The following DLG2 variants were observed in gnomAD, a reference collection of about 807,000 sequenced individuals.
DLG2 encodes disks large homolog 2.
A neutral mutation model predicts 132.5 loss-of-function variants in DLG2; 45 were observed. The observed-to-expected ratio is 0.34, with a 90% CI of 0.27 to 0.44. The LOEUF (loss-of-function observed/expected upper bound fraction) is 0.44, where lower values mean the gene tolerates loss of function less well. DLG2 is among the 20% of genes least tolerant of loss of function. DLG2 has a pLI of 1.00. For missense variants in DLG2, 1,045 were observed against 1,196.9 expected (o/e 0.87, Z 1.87); for synonymous variants, 424 against 419.6 (o/e 1.01, Z -0.13).
chr11:85,157,018 T>C (rs2077637175), intron 4 of DLG2, among the ~76,000 whole-genome samples: 1 of 152,160 alleles, frequency 6.6e-6, no homozygotes, highest in Admixed American at 6.5e-5. Flanking sequence ...GGCAGACTTA[T>C]CCTTAATCTG....
intron 8 of DLG2, among the ~76,000 whole-genome samples, chr11:84,235,451 GA>G (rs2097146254): frequency 6.6e-6 from 1 of 152,084 alleles, no homozygotes; most frequent in African/African-American, 2.4e-5. Flanking sequence ...GCCTAAGGCA[GA>G]AGGATCACTT....
rs575652431 is a variant in DLG2, at chr11:84,534,141, CA to C, written c.519+428del. ...GGATAAAATAGAGGAATTGATTAGA[CA>C]ATTCACACATTTTCCTTTATAGTTT... On this transcript the variant is annotated intron_variant, in intron 7 of 27. Transcript: ENST00000376104. Among the ~76,000 whole-genome samples the C allele has an allele frequency of 1.3e-4, 20 of 152,164 alleles. No homozygotes were observed. The South Asian group carries it at 4.1e-3, about 32-fold the overall frequency.
At chr11:83,923,008 A>G (rs790380) in intron 15 of DLG2, among the ~76,000 whole-genome samples, 76,708 of 151,828 alleles carry the variant, frequency 0.51, 19,917 homozygotes, top group Admixed American at 0.62. Flanking sequence ...ACATGCTGCC[A>G]TTTACAGGGA....
intron 6 of DLG2, among the ~76,000 whole-genome samples, chr11:85,082,142 G>T (rs2154172171): frequency 6.6e-6 from 1 of 152,038 alleles, no homozygotes; most frequent in African/African-American, 2.4e-5. Flanking sequence ...CCTTCTTTTT[G>T]ATCAATTTGT....
intron 4 of DLG2, among the ~76,000 whole-genome samples, chr11:85,210,369 G>A (rs1185393970): frequency 6.6e-6 from 1 of 151,972 alleles, no homozygotes; most frequent in Non-Finnish European, 1.5e-5. Context: ...CTCCCTCAGA[G>A]CCTTTGTATT....
chr11:84,373,545 G>A (rs529628081), intron 7 of DLG2, among the ~76,000 whole-genome samples: 1 of 151,978 alleles, frequency 6.6e-6, no homozygotes, highest in Non-Finnish European at 1.5e-5. Context: ...ACTCCAGCCT[G>A]GGTGACAGAG....
At chr11:84,825,176 T>A (rs550682452) in intron 6 of DLG2, among the ~76,000 whole-genome samples, 207 of 152,032 alleles carry the variant, frequency 1.4e-3, no homozygotes, top group Non-Finnish European at 2.5e-3. Flanking sequence ...CACCCTGGAC[T>A]GGACTTCAGG....
chr11:85,267,307 G>A (rs2077274102), intron 4 of DLG2, among the ~76,000 whole-genome samples: 1 of 152,192 alleles, frequency 6.6e-6, no homozygotes, highest in Non-Finnish European at 1.5e-5. Flanking sequence ...CCTGATCTCA[G>A]ACTTTCAGCC....
At chr11:83,462,745 A>G (rs1469587512) in intron 26 of DLG2, among the ~76,000 whole-genome samples, 2 of 152,222 alleles carry the variant, frequency 1.3e-5, no homozygotes, top group Non-Finnish European at 2.9e-5. Flanking sequence ...CCCTGATTTG[A>G]TCATTACACA....
At position 84,480,706 on chromosome 11, in the gene DLG2, G is replaced by A. The variant is rs138227868; in HGVS notation, c.519+53864C>T. Among the ~76,000 whole-genome samples the A allele has an allele frequency of 3.1e-3, 449 of 147,030 alleles. 3 individuals carry two copies. The highest frequency in any genetic ancestry group is 9.2e-3 in the Admixed American group (136 of 14,728). On this transcript the variant is annotated intron_variant, in intron 7 of 27. Transcript: ENST00000376104. ...TAGTCTCTTTGGCCCATCAGTATTC[G>A]TTTTTTGTTTGTTTGTTTGCTTGTT...
chr11:84,397,896 G>A (rs2098816197), intron 7 of DLG2, among the ~76,000 whole-genome samples: 2 of 152,180 alleles, frequency 1.3e-5, no homozygotes, highest in Admixed American at 6.5e-5. Context: ...AGGAGAAAAG[G>A]CTTTTGTCAG....
At chr11:85,009,650 T>C (rs935535101) in intron 6 of DLG2, among the ~76,000 whole-genome samples, 1 of 152,134 alleles carries the variant, frequency 6.6e-6, no homozygotes, top group East Asian at 1.9e-4. Flanking sequence ...TGAAACATTT[T>C]ATTGTATATT....
At chr11:85,457,765 A>T (rs950765064) in intron 3 of DLG2, among the ~76,000 whole-genome samples, 1 of 152,164 alleles carries the variant, frequency 6.6e-6, no homozygotes, top group African/African-American at 2.4e-5. Context: ...ATAGGCCCTT[A>T]TTCTCCTCTG....
intron 7 of DLG2, among the ~76,000 whole-genome samples, chr11:84,428,573 C>G (rs1396685937): frequency 6.6e-6 from 1 of 152,214 alleles, no homozygotes. Flanking sequence ...TGTCCTCACA[C>G]AGTGGAGACA....
chr11:83,985,060 A>G (rs1383066872), intron 11 of DLG2, among the ~76,000 whole-genome samples: 1 of 152,126 alleles, frequency 6.6e-6, no homozygotes, highest in Non-Finnish European at 1.5e-5. Flanking sequence ...AGATAATGCA[A>G]GCAATTTTTG....
chr11:84,252,106 A>G lies in DLG2; in HGVS notation c.520-815T>C, dbSNP rs868027713. Among the ~76,000 whole-genome samples, 65 of 141,728 alleles carry G rather than the reference A, an allele frequency of 4.6e-4. 2 individuals are homozygous for G. The highest frequency in any genetic ancestry group is 1.5e-3 in the African/African-American group (56 of 37,484). The allele number at this position is 141,728 out of a possible 152,430, so 93.0% of individuals were successfully genotyped here. The stretch of plus-strand genomic sequence containing the variant: ...CACTTATCAACATCTACGTTTACAC[A>G]TTATGCGTGCTGTATCCTGTATTTT... On this transcript the variant is annotated intron_variant, in intron 7 of 27. Coordinates refer to ENST00000376104, the MANE Select transcript of DLG2 (RefSeq NM_001142699.3).
intron 3 of DLG2, among the ~76,000 whole-genome samples, chr11:85,551,662 T>C (rs2076673282): frequency 6.6e-6 from 1 of 152,080 alleles, no homozygotes. Flanking sequence ...GGTATTGATG[T>C]TGCATGCAAA....
At chr11:84,636,804 G>A (rs1277843773) in intron 6 of DLG2, among the ~76,000 whole-genome samples, 15 of 150,014 alleles carry the variant, frequency 1.0e-4, no homozygotes, top group Admixed American at 9.9e-4. Flanking sequence ...TTTTTTAGAG[G>A]GCGTTTTGCT....
At chr11:85,523,173 A>G (rs936509271) in intron 3 of DLG2, among the ~76,000 whole-genome samples, 2 of 152,144 alleles carry the variant, frequency 1.3e-5, no homozygotes, top group African/African-American at 4.8e-5. Flanking sequence ...TTCTCACAAG[A>G]TCTGATGGTT....
Sources: allele counts gnomAD v4.1 joint callset (sites outside exome capture counted in the v4.1 genomes callset), GRCh38; gene constraint gnomAD v4.1.1; transcripts MANE v1.5; gene names NCBI Gene and HGNC (gene_info 2026-07-23, HGNC 2026-07-21).